The following RASSF5 variants were observed in gnomAD, a reference collection of about 807,000 sequenced individuals.
RASSF5 encodes the protein ras association domain-containing protein 5.
A neutral mutation model predicts 40.5 loss-of-function variants in RASSF5; 25 were observed. The observed-to-expected ratio is 0.62, with a 90% CI of 0.45 to 0.86. RASSF5 has a LOEUF of 0.86. Among genes scored for constraint, RASSF5 ranks in the 40% least tolerant of loss-of-function variants. RASSF5 has a pLI of 0.00. For synonymous variants in RASSF5, 246 were observed against 252.4 expected (o/e 0.97, Z 0.24); for missense variants, 521 against 572.8 (o/e 0.91, Z 0.92).
At chr1:206,574,139 T>C (rs990547151) in intron 2 of RASSF5, among the ~76,000 whole-genome samples, 7 of 152,230 alleles carry the variant, frequency 4.6e-5, no homozygotes, top group African/African-American at 1.4e-4. Flanking sequence ...TAACCCACTC[T>C]AGCTGAGCTG....
At position 206,579,042 on chromosome 1, in the gene RASSF5, G is replaced by A. The variant is rs1207753258; in HGVS notation, c.580-4227G>A. Among the ~76,000 whole-genome samples the A allele has an allele frequency of 6.6e-6, 1 of 152,100 alleles. No individual in the cohort carries two copies. The highest frequency in any genetic ancestry group is 1.5e-5 in the Non-Finnish European group (1 of 68,010). On this transcript the variant is annotated intron_variant, in intron 2 of 5. Transcript: ENST00000579436. The surrounding 1 kb of genome is among the most constrained non-coding windows in gnomAD (Gnocchi z 4.2). Reference sequence around the variant, plus strand: ...GAGAATCACTCAGGGTCGGGGTGTCGCTGTGAACCCCTAGCACCCAGCCTC... The same window carrying A: ...GAGAATCACTCAGGGTCGGGGTGTCACTGTGAACCCCTAGCACCCAGCCTC...
intron 5 of RASSF5, 38 bp from the exon 6 acceptor site, chr1:206,586,780 GTCTCCTAT>G: frequency 6.7e-7 from 1 of 1,501,130 alleles, no homozygotes; most frequent in Non-Finnish European, 9.2e-7. Context: ...CTTCTAACCT[GTCTCCTAT>G]TCTGTTTCTT....
chr1:206,507,690 G>A lies in RASSF5; in HGVS notation c.88G>A (p.Gly30Ser), dbSNP rs967794608. Reference sequence around the variant, plus strand: ...GCCGCGCTATCTACAGAGCCTGAGCGGCCCCGAGCTACCGCCGCCGCCCCC... The same window carrying A: ...GCCGCGCTATCTACAGAGCCTGAGCAGCCCCGAGCTACCGCCGCCGCCCCC... ...EPPRYLQSLS[G>S]PELPPPPPDR... The change falls in exon 1 of 6, where the codon GGC becomes AGC. Residue 30 changes from glycine (G) to serine (S), a missense_variant. Physicochemically the swap from Gly to Ser is moderately conservative, Grantham distance 56. This residue lies in a region of RASSF5 where 237 missense variants were observed against 212.0 expected (regional missense o/e 1.12). Transcript: ENST00000579436. 19 of 1,500,112 alleles carry A rather than the reference G, an allele frequency of 1.3e-5. No homozygotes were observed. The highest frequency in any genetic ancestry group is 1.9e-4 in the Middle Eastern group (1 of 5,390). The allele number at this position is 1,500,112 out of a possible 1,614,324, so 92.9% of individuals were successfully genotyped here. A position where few individuals can be genotyped will look rare whatever the true frequency, so the allele number is the denominator to read the frequency against.
intron 1 of RASSF5, among the ~76,000 whole-genome samples, chr1:206,536,307 T>C (rs1389343450): frequency 6.6e-6 from 1 of 152,122 alleles, no homozygotes; most frequent in Non-Finnish European, 1.5e-5. Context: ...GCGTGGGATC[T>C]GAAGGAGAGG....
At chr1:206,568,536 C>T (rs560615550) in intron 2 of RASSF5, among the ~76,000 whole-genome samples, 3 of 152,236 alleles carry the variant, frequency 2.0e-5, no homozygotes, top group East Asian at 1.9e-4. Context: ...GACTCACCTC[C>T]GGAGACCACT....
chr1:206,541,100 G>A (rs905518023), intron 2 of RASSF5, among the ~76,000 whole-genome samples: 12 of 152,090 alleles, frequency 7.9e-5, no homozygotes, highest in Admixed American at 3.3e-4. Context: ...TCACCATGTT[G>A]GCCAGGCTGG....
chr1:206,573,325 T>G (rs182458871), intron 2 of RASSF5, among the ~76,000 whole-genome samples: 1 of 152,196 alleles, frequency 6.6e-6, no homozygotes, highest in Non-Finnish European at 1.5e-5. Context: ...CTGAGGCATA[T>G]AGATTTTCTG....
intron 2 of RASSF5, chr1:206,557,728 G>T (rs201144366): frequency 3.1e-6 from 5 of 1,606,700 alleles, no homozygotes; most frequent in Non-Finnish European, 4.3e-6. Context: ...AGCCTTTCGT[G>T]GGGGGAAATA....
At chr1:206,533,592 C>T (rs1667301768) in intron 1 of RASSF5, among the ~76,000 whole-genome samples, 1 of 151,884 alleles carries the variant, frequency 6.6e-6, no homozygotes. Flanking sequence ...CCTGTTTCAA[C>T]AGCAACAAAA....
intron 2 of RASSF5, among the ~76,000 whole-genome samples, chr1:206,578,494 A>C (rs1202768861): frequency 1.3e-5 from 2 of 152,182 alleles, no homozygotes; most frequent in Non-Finnish European, 2.9e-5. Context: ...GGCTGGAGTG[A>C]TCAGGAAGAG....
At chr1:206,558,386 A>AGGCCTC (rs573077742) in intron 2 of RASSF5, among the ~76,000 whole-genome samples, 44 of 150,580 alleles carry the variant, frequency 2.9e-4, no homozygotes, top group Admixed American at 9.2e-4. Flanking sequence ...AGTTGGCTGC[A>AGGCCTC]GGCCTCGTGT....
Position 206,510,157 on chromosome 1 carries a change from A to G in RASSF5, c.457+2098A>G, listed in dbSNP as rs1666579461. On this transcript the variant is annotated intron_variant, in intron 1 of 5. Coordinates refer to ENST00000579436, the MANE Select transcript of RASSF5 (RefSeq NM_182663.4). ...GGCAGGTGGAGACACAGCAGGCCAA[A>G]CTCGCTGAGCATCTTTCTTTAAGTT... Among the ~76,000 whole-genome samples, 7 of 152,152 alleles carry G rather than the reference A, an allele frequency of 4.6e-5. No homozygotes were observed. In the South Asian group the frequency reaches 1.4e-3, roughly 31 times the overall value.
intron 1 of RASSF5, among the ~76,000 whole-genome samples, chr1:206,526,569 T>C (rs538355963): frequency 1.3e-5 from 2 of 152,326 alleles, no homozygotes; most frequent in East Asian, 1.9e-4. Context: ...GAAAAACTTA[T>C]AGATCATGTT....
At chr1:206,577,048 C>T (rs1183396308) in intron 2 of RASSF5, among the ~76,000 whole-genome samples, 1 of 151,370 alleles carries the variant, frequency 6.6e-6, no homozygotes, top group Non-Finnish European at 1.5e-5. Flanking sequence ...TGGGCTCAAG[C>T]GATCATCCTG....
At position 206,552,400 on chromosome 1, in the gene RASSF5, C is replaced by T. The variant is rs781806281; in HGVS notation, c.579+14107C>T. ...AATATGTGTCAGGAAGTGGGGAGGA[C>T]ATAGGAGGAGGATTTTGACATCAGA... On this transcript the variant is annotated intron_variant, in intron 2 of 5. Transcript: ENST00000579436. This position sits in a 1 kb window ranked among gnomAD's most constrained non-coding sequence, Gnocchi z 4.1. Among the ~76,000 whole-genome samples the T allele has an allele frequency of 1.3e-5, 2 of 152,074 alleles. No individual in the cohort carries two copies. Among genetic ancestry groups the T allele is most frequent in the African/African-American group, 4.8e-5 (2 of 41,400 alleles).
Position 206,583,303 on chromosome 1 carries a change from C to T in RASSF5, c.614C>T (p.Pro205Leu), listed in dbSNP as rs782190148. ...AAACCTGTGGAGGAGACACAGCGCC[C>T]GCCCACACTGCAGGAGATCAAGCAG... is the stretch of plus-strand genomic sequence containing the variant. ...VCKPVEETQR[P>L]PTLQEIKQKI... Residue 205 changes from proline (P) to leucine (L), a missense_variant, in exon 3 of 6, where the codon CCG becomes CTG. By Grantham distance (98) the Pro-to-Leu change is moderately conservative. Coordinates refer to ENST00000579436, the MANE Select transcript of RASSF5 (RefSeq NM_182663.4). 1.1e-5 allele frequency: 18 copies of T among 1,613,680 alleles called. No homozygotes were observed. The African/African-American group carries it at 1.9e-4, about 17-fold the overall frequency.
intron 1 of RASSF5, among the ~76,000 whole-genome samples, chr1:206,516,631 G>C (rs1176853456): frequency 6.6e-6 from 1 of 152,042 alleles, no homozygotes; most frequent in African/African-American, 2.4e-5. Flanking sequence ...TAATTTTTTT[G>C]TATTTTTAGT....
At chr1:206,557,733 G>A (rs373288171) in intron 2 of RASSF5, 1 of 1,602,434 alleles carries the variant, frequency 6.2e-7, no homozygotes, top group Non-Finnish European at 8.5e-7. Flanking sequence ...TTCGTGGGGG[G>A]AAATAACCTC....
chr1:206,508,846 C>A (rs533047107), intron 1 of RASSF5, among the ~76,000 whole-genome samples: 139 of 152,196 alleles, frequency 9.1e-4, no homozygotes, highest in African/African-American at 3.0e-3. Context: ...CTGAGCCAGG[C>A]GCTTCTCAAA....
Sources: gnomAD v4.1 joint callset for allele counts (sites outside exome capture counted in the v4.1 genomes callset) on GRCh38, gnomAD v4.1.1 for gene constraint, gnomAD v4.1.1 regional missense constraint, Gnocchi (gnomAD v3.1) non-coding constraint, MANE v1.5 for transcripts, NCBI Gene and HGNC (gene_info 2026-07-23, HGNC 2026-07-21) for gene names.